ASB14: variants seen among roughly 807,000 people sequenced by gnomAD.
ASB14 encodes the protein ankyrin repeat and SOCS box containing 14, also known as ankyrin repeat and SOCS box protein 14.
ASB14 carries 63 observed loss-of-function variants against 55.6 expected under a neutral mutation model. That is an observed-to-expected ratio of 1.13 (90% CI 0.92 to 1.40). ASB14 has a LOEUF of 1.40. Ranked by LOEUF, ASB14 falls within the 40% of genes most tolerant of loss-of-function variation. The pLI is 0.00. For synonymous variants in ASB14, 256 were observed against 259.9 expected (o/e 0.98, Z 0.15); for missense variants, 724 against 710.4 (o/e 1.02, Z -0.22).
Position 57,291,954 on chromosome 3 carries a change from A to G in ASB14, c.80T>C (p.Ile27Thr). ...ATGTTGTGCTGTTCCTGGCTTATAAATATCCTGCAAACTCTGTTGAATGAT... is the reference window on the plus strand; with the variant it reads ...ATGTTGTGCTGTTCCTGGCTTATAAGTATCCTGCAAACTCTGTTGAATGAT... ...QLIIQQSLQD[I>T]YKPGTAQHAP... The change falls in exon 2 of 11, where the codon ATT (isoleucine) becomes ACT (threonine). Residue 27 changes from isoleucine to threonine, a missense_variant. Coordinates refer to ENST00000487349, the MANE Select transcript of ASB14 (RefSeq NM_001142733.3). 1 of 1,536,710 alleles carries G rather than the reference A, an allele frequency of 6.5e-7. No individual in the cohort carries two copies. The highest frequency in any genetic ancestry group is 1.2e-5 in the South Asian group (1 of 84,048).
Position 57,277,931 on chromosome 3 carries a change from CA to C in ASB14, c.1432-12del, listed in dbSNP as rs1289009619. On this transcript the variant is annotated splice_polypyrimidine_tract_variant and intron_variant, in intron 8 of 10. Coordinates refer to ENST00000487349, the MANE Select transcript of ASB14 (RefSeq NM_001142733.3). Reference sequence around the variant, plus strand: ...TATTACTTCACAGAACTGAGGGAAACAAAATCAGAATTAGGAAAGTAAATGA... The same window carrying C: ...TATTACTTCACAGAACTGAGGGAAACAAATCAGAATTAGGAAAGTAAATGA... 1 of 1,604,920 alleles carries C rather than the reference CA, an allele frequency of 6.2e-7. No homozygotes were observed. The highest frequency in any genetic ancestry group is 1.7e-5 in the Admixed American group (1 of 58,156).
rs75554839 is a variant in ASB14 at position 57,290,391 on chromosome 3, C to T, written c.123-1268G>A. Among the ~76,000 whole-genome samples the T allele has an allele frequency of 7.2e-3, 1,097 of 152,262 alleles. 14 individuals carry two copies. The highest frequency in any genetic ancestry group is 0.025 in the African/African-American group (1,026 of 41,544). On this transcript the variant is annotated intron_variant, in intron 2 of 10. Coordinates refer to ENST00000487349, the MANE Select transcript of ASB14 (RefSeq NM_001142733.3). Reference sequence around the variant, plus strand: ...CCATCTCCCAAGTTGTCTCTCCTGGCTCCCCCTCTTTCACACTTAAAGATC... The same window carrying T: ...CCATCTCCCAAGTTGTCTCTCCTGGTTCCCCCTCTTTCACACTTAAAGATC...
rs1309442056 is a variant in ASB14, at chr3:57,288,029, G to A, written c.341C>T (p.Thr114Ile). ...ASDPSLWEQT[T>I]HNGETPLFLA... ...AAAAAGTGGCGTTTCACCATTGTGA[G>A]TGGTTTGCTCCCACAGACTGGGGTC... The change falls in exon 5 of 11, where the codon ACT becomes ATT. Residue 114 changes from threonine (T) to isoleucine (I), a missense_variant. By Grantham distance (89) the Thr-to-Ile change is moderately conservative (BLOSUM62 -1). Transcript: ENST00000487349. 3 of 1,537,290 alleles carry A rather than the reference G, an allele frequency of 2.0e-6. No individual in the cohort carries two copies. The highest frequency in any genetic ancestry group is 1.2e-5 in the South Asian group (1 of 84,072).
chr3:57,275,867 G>A lies in ASB14; in HGVS notation c.*22+661C>T, dbSNP rs147882791. Among the ~76,000 whole-genome samples, 39 of 152,176 alleles carry A rather than the reference G, an allele frequency of 2.6e-4. No homozygotes were observed. The East Asian group carries it at 3.7e-3, about 14-fold the overall frequency. On this transcript the variant is annotated intron_variant, in intron 10 of 10. Coordinates refer to ENST00000487349, the MANE Select transcript of ASB14 (RefSeq NM_001142733.3). ...AAATATATATTTAAACATAGAAAAGGTACAGTAAAAATAAGCATTATAATC... is the reference window on the plus strand; with the variant it reads ...AAATATATATTTAAACATAGAAAAGATACAGTAAAAATAAGCATTATAATC...
rs2107632630 is a variant in ASB14, at chr3:57,291,982, G to A, written c.52C>T (p.Leu18Phe). 6.5e-7 allele frequency: 1 copy of A among 1,535,342 alleles called. No individual in the cohort carries two copies. Among genetic ancestry groups the A allele is most frequent in the South Asian group, 1.2e-5 (1 of 84,032 alleles). ...EDIDEDFDTQ[L>F]IIQQSLQDIY... ...TCCTGCAAACTCTGTTGAATGATGA[G>A]CTGGGTGTCAAAGTCTTCATCTATG... The change falls in exon 2 of 11, where the codon CTC becomes TTC. Residue 18 changes from leucine to phenylalanine, a missense_variant. Physicochemically the swap from Leu to Phe is conservative, Grantham distance 22. Transcript: ENST00000487349.
chr3:57,283,534 T>G, intron 5 of ASB14, 95 bp from the exon 6 acceptor site: 1 of 1,306,458 alleles, frequency 7.7e-7, no homozygotes, highest in Non-Finnish European at 1.0e-6. Flanking sequence ...TAAGGAGTTC[T>G]TCCCACCCAC....
rs2061093320 is a variant in ASB14, at chr3:57,287,944, A to C, written c.426T>G (p.Asn142Lys). Residue 142 changes from asparagine (N) to lysine (K), a missense_variant, in exon 5 of 11, where the codon AAT becomes AAG. Asn to Lys is a moderately conservative substitution (Grantham distance 94). Coordinates refer to ENST00000487349, the MANE Select transcript of ASB14 (RefSeq NM_001142733.3). ...NATFLLLNGC[N>K]PNAKNFEGNS... ...TGCCTTCGAAATTCTTAGCATTTGG[A>C]TTGCAGCCATTGAGAAGAAGAAAAG... The C allele has an allele frequency of 1.3e-6, 2 of 1,537,162 alleles. No homozygotes were observed. Among genetic ancestry groups the C allele is most frequent in the Admixed American group, 2.0e-5 (1 of 50,978 alleles).
chr3:57,288,660 C>T (rs1270911574), intron 3 of ASB14, among the ~76,000 whole-genome samples: 1 of 150,644 alleles, frequency 6.6e-6, no homozygotes, highest in African/African-American at 2.4e-5. Context: ...TTCTAGGCTT[C>T]CTGAGCTTCG....
rs546791448 is a variant in ASB14, at chr3:57,287,140, C to T, written c.469+761G>A. On this transcript the variant is annotated intron_variant, in intron 5 of 10. Coordinates refer to ENST00000487349, the MANE Select transcript of ASB14 (RefSeq NM_001142733.3). The stretch of plus-strand genomic sequence containing the variant: ...CTTAACTCTATTTGTTGAAGATTTT[C>T]CTCAGATAGCCTTTGGCTATTTGCT... Among the ~76,000 whole-genome samples, 5 of 152,240 alleles carry T rather than the reference C, an allele frequency of 3.3e-5. No homozygotes were observed. In the East Asian group the frequency reaches 9.6e-4, roughly 29 times the overall value.
At position 57,279,945 on chromosome 3, in the gene ASB14, G is replaced by A. The variant is rs375077819; in HGVS notation, c.887+357C>T. Among the ~76,000 whole-genome samples the A allele has an allele frequency of 3.1e-4, 47 of 152,018 alleles. No homozygotes were observed. The South Asian group carries it at 6.0e-3, about 19-fold the overall frequency. On this transcript the variant is annotated intron_variant, in intron 7 of 10. Coordinates refer to ENST00000487349, the MANE Select transcript of ASB14 (RefSeq NM_001142733.3). ...GGGGAACCGTGTTAATTACTCACAC[G>A]ATGTGCTGACTCAAAGCCTTTGTCA...
chr3:57,276,666 G>C lies in ASB14; in HGVS notation c.1648C>G (p.His550Asp), dbSNP rs1440307722. 1.9e-6 allele frequency: 3 copies of C among 1,613,938 alleles called. No individual in the cohort carries two copies. Among genetic ancestry groups the C allele is most frequent in the Non-Finnish European group, 2.5e-6 (3 of 1,179,964 alleles). Residue 550 changes from histidine to aspartate, a missense_variant, in exon 10 of 11, where the codon CAT (histidine) becomes GAT (aspartate). Transcript: ENST00000487349. ...GACATGAAGACAGGGCAGCGCAAAT[G>C]TAACCGTCCCATGCATTTCCGGATC... ...LKIRKCMGRL[H>D]LRCPVFMSFL... is the part of the protein sequence containing the mutation.
Position 57,269,683 on chromosome 3 carries a change from C to T in ASB14, c.*23-65G>A, listed in dbSNP as rs1390001153. The T allele has an allele frequency of 1.9e-6, 3 of 1,613,656 alleles. No homozygotes were observed. In the African/African-American group the frequency reaches 4.0e-5, roughly 22 times the overall value. On this transcript the variant is annotated intron_variant, in intron 10 of 10. Coordinates refer to ENST00000487349, the MANE Select transcript of ASB14 (RefSeq NM_001142733.3). ...GGAGGAAAGAAGAGAGAATCAGAAG[C>T]ATAAGCTTATACTTTTGGTAGATAT...
Position 57,283,356 on chromosome 3 carries a change from T to G in ASB14, c.553A>C (p.Thr185Pro). Residue 185 changes from threonine (T) to proline (P), a missense_variant, in exon 6 of 11, where the codon ACA (threonine) becomes CCA (proline). Physicochemically the swap from Thr to Pro is conservative, Grantham distance 38. Transcript: ENST00000487349. ...AGTTTGGCTGCTTCGTGGAGAGCTG[T>G]CCTCTCGTTGGCACAACGCAGATTG... is the stretch of plus-strand genomic sequence containing the variant. ...DVNLRCANERTALHEAAKLGR... is the reference protein window; with the variant it reads ...DVNLRCANERPALHEAAKLGR... The G allele has an allele frequency of 6.4e-7, 1 of 1,551,668 alleles. No individual in the cohort carries two copies. Among genetic ancestry groups the G allele is most frequent in the Non-Finnish European group, 8.7e-7 (1 of 1,146,946 alleles).
chr3:57,280,973 A>G (rs185308707), intron 6 of ASB14, among the ~76,000 whole-genome samples: 108 of 152,324 alleles, frequency 7.1e-4, no homozygotes, highest in Non-Finnish European at 3.8e-4. Flanking sequence ...GGAACTGCCA[A>G]TAGCCAAAGA....
intron 10 of ASB14, chr3:57,273,087 A>G (rs2060956709): frequency 6.6e-6 from 1 of 152,618 alleles, no homozygotes; most frequent in Admixed American, 6.5e-5. Flanking sequence ...CTGGAACTAT[A>G]TTATACTTTT....
At position 57,288,034 on chromosome 3, in the gene ASB14, T is replaced by C. The variant is rs997163021; in HGVS notation, c.336A>G (p.Gln112=). ...GTGGCGTTTCACCATTGTGAGTGGTTTGCTCCCACAGACTGGGGTCTGAAG... is the reference window on the plus strand; with the variant it reads ...GTGGCGTTTCACCATTGTGAGTGGTCTGCTCCCACAGACTGGGGTCTGAAG... ...LSASDPSLWE[Q]TTHNGETPLF... is the part of the protein sequence containing the mutation. The change falls in exon 5 of 11, where the codon CAA becomes CAG. Residue 112 remains glutamine, a synonymous_variant. Coordinates refer to ENST00000487349, the MANE Select transcript of ASB14 (RefSeq NM_001142733.3). 4 of 1,537,280 alleles carry C rather than the reference T, an allele frequency of 2.6e-6. No individual in the cohort carries two copies. Among genetic ancestry groups the C allele is most frequent in the African/African-American group, 2.7e-5 (2 of 73,066 alleles).
At chr3:57,271,917 T>G (rs2060943322) in intron 10 of ASB14, 1 of 152,224 alleles carries the variant, frequency 6.6e-6, no homozygotes, top group Non-Finnish European at 1.5e-5. Flanking sequence ...ATATGAACTA[T>G]TCCATTACTG....
intron 2 of ASB14, 49 bp from the exon 3 acceptor site, chr3:57,289,172 C>T: frequency 1.6e-6 from 2 of 1,253,222 alleles, no homozygotes; most frequent in East Asian, 5.1e-5. Context: ...GGAGAAAAAA[C>T]TGTTATCTGA....
intron 8 of ASB14, among the ~76,000 whole-genome samples, 182 bp downstream of exon 8, chr3:57,278,195 T>C (rs2061006258): frequency 6.6e-6 from 1 of 152,254 alleles, no homozygotes; most frequent in African/African-American, 2.4e-5. Context: ...GTACTGTTTT[T>C]GTTCCTGTTG....
Sources: allele counts gnomAD v4.1 joint callset (sites outside exome capture counted in the v4.1 genomes callset), GRCh38; gene constraint gnomAD v4.1.1; transcripts MANE v1.5; gene names NCBI Gene and HGNC (gene_info 2026-07-23, HGNC 2026-07-21).